Variants in CNKSR3 observed in about 807,000 individuals in gnomAD.
CNKSR3 encodes connector enhancer of kinase suppressor of ras 3.
Under a neutral mutation model 67.7 loss-of-function variants are expected in CNKSR3, and 36 were observed. The observed-to-expected ratio is 0.53, with a 90% CI of 0.41 to 0.70. CNKSR3 has a LOEUF of 0.70. Ranked by LOEUF, CNKSR3 falls within the 30% of genes least tolerant of loss-of-function variation. The pLI is 0.00. For missense variants in CNKSR3, 630 were observed against 695.2 expected, an observed-to-expected ratio of 0.91 and a Z score of 1.05; for synonymous variants, 281 against 271.4, an observed-to-expected ratio of 1.04 and a Z score of -0.35.
At chr6:154,494,805 G>A (rs571045926) in intron 1 of CNKSR3, among the ~76,000 whole-genome samples, 6 of 152,242 alleles carry the variant, frequency 3.9e-5, no homozygotes, top group Admixed American at 6.5e-5. Context: ...CCCTAAGGAG[G>A]CACAAGTCCC....
At position 154,422,967 on chromosome 6, in the gene CNKSR3, G is replaced by A; in HGVS notation, c.746C>T (p.Ser249Phe). The change falls in exon 8 of 13, where the codon TCT becomes TTT. Residue 249 changes from serine to phenylalanine, a missense_variant. Ser to Phe is a radical substitution (Grantham distance 155). Coordinates refer to ENST00000607772, the MANE Select transcript of CNKSR3 (RefSeq NM_173515.4). Reference protein sequence around the residue: ...GTTENSPADRSQKIHAGDEVI... With the variant: ...GTTENSPADRFQKIHAGDEVI... Reference sequence around the variant, plus strand: ...TTCGTCACCAGCATGAATCTTCTGAGATCTGTCTGCAGGAGACTGTACAGA... The same window carrying A: ...TTCGTCACCAGCATGAATCTTCTGAAATCTGTCTGCAGGAGACTGTACAGA... 6.2e-7 allele frequency: 1 copy of A among 1,611,804 alleles called. No individual in the cohort carries two copies. The highest frequency in any genetic ancestry group is 2.2e-5 in the East Asian group (1 of 44,850).
At chr6:154,436,981 T>C (rs1035226277) in intron 4 of CNKSR3, among the ~76,000 whole-genome samples, 1 of 151,890 alleles carries the variant, frequency 6.6e-6, no homozygotes, top group Non-Finnish European at 1.5e-5. Flanking sequence ...TAAATTATTA[T>C]TGGAAGGAAG....
rs942920308 is a variant in CNKSR3 at position 154,392,564 on chromosome 6, A to C, written c.*13790T>G. 6.6e-6 allele frequency: 1 copy of C among 152,262 alleles called. No homozygotes were observed. The highest frequency in any genetic ancestry group is 2.4e-5 in the African/African-American group (1 of 41,464). The allele number at this position is 152,262 out of a possible 1,614,324, so 9.4% of individuals were successfully genotyped here. A position where few individuals can be genotyped will look rare whatever the true frequency, so the allele number is the denominator to read the frequency against. On this transcript the variant is annotated 3_prime_UTR_variant, in exon 13 of 13. Transcript: ENST00000607772. The stretch of plus-strand genomic sequence containing the variant: ...AAGGAGCCCACCCTCAGAATCCAAA[A>C]GAGGGTCCCGAAACCTTGTGGGGAT...
rs148243480 is a variant in CNKSR3, at chr6:154,401,138, G to A, written c.*5216C>T. 1 of 152,248 alleles carries A rather than the reference G, an allele frequency of 6.6e-6. No individual in the cohort carries two copies. The highest frequency in any genetic ancestry group is 1.9e-4 in the East Asian group (1 of 5,178). 9.4% of individuals were successfully genotyped at this position (152,248 alleles called of 1,614,324 possible). A position where few individuals can be genotyped will look rare whatever the true frequency, so the allele number is the denominator to read the frequency against. On this transcript the variant is annotated 3_prime_UTR_variant, in exon 13 of 13. Transcript: ENST00000607772. ...CACCTTCCAGCTGATTAGCATGAAA[G>A]GTTTGAAAAATATACAAAAGCAGAG...
At chr6:154,486,714 G>A (rs977148349) in intron 1 of CNKSR3, among the ~76,000 whole-genome samples, 9 of 151,852 alleles carry the variant, frequency 5.9e-5, no homozygotes, top group Admixed American at 3.3e-4. Flanking sequence ...GACTGGTCTC[G>A]AACTCCTGAC....
chr6:154,448,379 C>T (rs1382682238), intron 2 of CNKSR3, among the ~76,000 whole-genome samples: 2 of 138,488 alleles, frequency 1.4e-5, no homozygotes, highest in Admixed American at 7.8e-5. Flanking sequence ...GCAGAAAAGA[C>T]GGAAAAGCCA....
At chr6:154,510,021 C>T (rs1172939105) in intron 1 of CNKSR3, 42 bp downstream of exon 1, 2 of 1,611,510 alleles carry the variant, frequency 1.2e-6, no homozygotes, top group Admixed American at 3.3e-5. Flanking sequence ...CCGCCCCATC[C>T]CCGAGGCTGG....
intron 1 of CNKSR3, among the ~76,000 whole-genome samples, chr6:154,474,034 C>T (rs1019670758): frequency 6.6e-5 from 10 of 151,310 alleles, no homozygotes; most frequent in South Asian, 2.1e-4. Context: ...CCGTCCACCT[C>T]GGCCTCCCAA....
intron 1 of CNKSR3, among the ~76,000 whole-genome samples, chr6:154,480,282 A>C (rs996429807): frequency 6.6e-6 from 1 of 152,202 alleles, no homozygotes; most frequent in Non-Finnish European, 1.5e-5. Flanking sequence ...GTGATGTATT[A>C]TTATGCCCAC....
chr6:154,434,517 CT>C (rs1307512186), intron 4 of CNKSR3, among the ~76,000 whole-genome samples: 1 of 152,164 alleles, frequency 6.6e-6, no homozygotes, highest in East Asian at 1.9e-4. Context: ...TTTTTTACTA[CT>C]TCTGAAGGAG....
At chr6:154,454,060 G>A (rs981360931) in intron 1 of CNKSR3, among the ~76,000 whole-genome samples, 2 of 123,192 alleles carry the variant, frequency 1.6e-5, no homozygotes, top group Non-Finnish European at 1.7e-5. Context: ...AACCTTCAAG[G>A]AAATCCCAAA....
intron 5 of CNKSR3, among the ~76,000 whole-genome samples, chr6:154,430,838 C>T (rs1584075696): frequency 1.3e-5 from 2 of 152,066 alleles, no homozygotes; most frequent in African/African-American, 4.8e-5. Flanking sequence ...CACTGAAGAG[C>T]ACAGGCCAGG....
At position 154,510,264 on chromosome 6, in the gene CNKSR3, G is replaced by A; in HGVS notation, c.-150C>T. ...AAGACTGCATGGCCGCGGTCAGCCAGTCGTCCCAGCGCGGCTCCGCCAGGG... is the reference window on the plus strand; with the variant it reads ...AAGACTGCATGGCCGCGGTCAGCCAATCGTCCCAGCGCGGCTCCGCCAGGG... On this transcript the variant is annotated 5_prime_UTR_variant, in exon 1 of 13. Coordinates refer to ENST00000607772, the MANE Select transcript of CNKSR3 (RefSeq NM_173515.4). 1.2e-6 allele frequency: 1 copy of A among 813,150 alleles called. No individual in the cohort carries two copies. 50.4% of individuals were successfully genotyped at this position (813,150 alleles called of 1,614,324 possible).
At chr6:154,469,374 G>T (rs1337228166) in intron 1 of CNKSR3, among the ~76,000 whole-genome samples, 1 of 152,100 alleles carries the variant, frequency 6.6e-6, no homozygotes, top group Admixed American at 6.6e-5. Flanking sequence ...ATAAATATAT[G>T]AATAATCCAG....
At chr6:154,501,906 G>A (rs1262555164) in intron 1 of CNKSR3, among the ~76,000 whole-genome samples, 1 of 152,104 alleles carries the variant, frequency 6.6e-6, no homozygotes, top group Non-Finnish European at 1.5e-5. Flanking sequence ...TGAGAAGACC[G>A]AAGACGGACT....
rs545047329 is a variant in CNKSR3 at position 154,505,659 on chromosome 6, G to A, written c.52+4404C>T. On this transcript the variant is annotated intron_variant, in intron 1 of 12. Coordinates refer to ENST00000607772, the MANE Select transcript of CNKSR3 (RefSeq NM_173515.4). ...ACTACAGGCGCCCACCACCACACCCGGCTAATTTTTTTTGTATTTTTTAGT... is the reference window on the plus strand; with the variant it reads ...ACTACAGGCGCCCACCACCACACCCAGCTAATTTTTTTTGTATTTTTTAGT... Among the ~76,000 whole-genome samples, 571 of 150,866 alleles carry A rather than the reference G, an allele frequency of 3.8e-3. 3 individuals are homozygous for A. The highest frequency in any genetic ancestry group is 5.8e-3 in the Non-Finnish European group (397 of 67,870).
intron 1 of CNKSR3, among the ~76,000 whole-genome samples, chr6:154,499,040 G>A (rs1786930729): frequency 6.6e-6 from 1 of 152,178 alleles, no homozygotes; most frequent in Non-Finnish European, 1.5e-5. Context: ...CCTTCTGTGT[G>A]TTCCTGGGCT....
At position 154,414,403 on chromosome 6, in the gene CNKSR3, TGTC is replaced by T. The variant is rs1230399568; in HGVS notation, c.963_965del (p.Thr323del). On this transcript the variant is annotated inframe_deletion, in exon 10 of 13. Coordinates refer to ENST00000607772, the MANE Select transcript of CNKSR3 (RefSeq NM_173515.4). ...CCATAGTGCTTTCAGGGGACTGGGT[TGTC>T]GCGGGTGGAGGTGAGGTCTGAAACA... The T allele has an allele frequency of 6.2e-7, 1 of 1,601,262 alleles. No individual in the cohort carries two copies. The highest frequency in any genetic ancestry group is 8.5e-7 in the Non-Finnish European group (1 of 1,175,466).
chr6:154,472,245 T>C (rs887099622), intron 1 of CNKSR3, among the ~76,000 whole-genome samples: 3 of 152,204 alleles, frequency 2.0e-5, no homozygotes, highest in Admixed American at 1.3e-4. Context: ...CCAACACACG[T>C]ACTATTTATA....
Sources: gnomAD v4.1 joint callset for allele counts (sites outside exome capture counted in the v4.1 genomes callset) on GRCh38, gnomAD v4.1.1 for gene constraint, MANE v1.5 for transcripts, NCBI Gene and HGNC (gene_info 2026-07-23, HGNC 2026-07-21) for gene names.